CLYBL: variants seen among roughly 807,000 people sequenced by gnomAD.
CLYBL encodes citramalyl-CoA lyase, also known as citramalyl-CoA lyase, mitochondrial.
Under a neutral mutation model 38.9 loss-of-function variants are expected in CLYBL, and 31 were observed. The ratio of observed to expected loss-of-function variants is 0.80; its 90% CI spans 0.60 to 1.08. The LOEUF is 1.08. Among genes scored for constraint, CLYBL ranks in the 50% least tolerant of loss-of-function variants. The pLI, the probability that CLYBL is intolerant of heterozygous loss-of-function variation, is 0.00. For missense variants in CLYBL, 434 were observed against 411.6 expected (o/e 1.05, Z -0.47); for synonymous variants, 171 against 158.6 (o/e 1.08, Z -0.59).
chr13:99,771,134 T>G (rs1008537083), intron 1 of CLYBL, among the ~76,000 whole-genome samples: 2 of 150,592 alleles, frequency 1.3e-5, no homozygotes, highest in Non-Finnish European at 2.9e-5. Flanking sequence ...CCTTCTGGGC[T>G]TAATCAATCC....
chr13:99,741,236 A>C (rs576624716), intron 1 of CLYBL, among the ~76,000 whole-genome samples: 1 of 152,316 alleles, frequency 6.6e-6, no homozygotes, highest in East Asian at 1.9e-4. Flanking sequence ...GCAAAGAAGC[A>C]CCCATGCCTG....
intron 1 of CLYBL, among the ~76,000 whole-genome samples, chr13:99,721,450 C>G (rs2048391192): frequency 6.6e-6 from 1 of 150,768 alleles, no homozygotes; most frequent in Admixed American, 6.6e-5. Flanking sequence ...ATTAATTTTT[C>G]TTTTTTTATT....
At chr13:99,733,537 C>T (rs1227170925) in intron 1 of CLYBL, among the ~76,000 whole-genome samples, 1 of 152,198 alleles carries the variant, frequency 6.6e-6, no homozygotes, top group Admixed American at 6.5e-5. Flanking sequence ...TTCCTGAAGG[C>T]ATTATTAGTC....
At chr13:99,678,769 A>G (rs985271503) in intron 1 of CLYBL, among the ~76,000 whole-genome samples, 4 of 152,210 alleles carry the variant, frequency 2.6e-5, no homozygotes, top group Non-Finnish European at 5.9e-5. Context: ...AAAGGTAGGC[A>G]GAAAGAGCGT....
At chr13:99,711,963 C>T (rs2048240573) in intron 1 of CLYBL, among the ~76,000 whole-genome samples, 1 of 152,100 alleles carries the variant, frequency 6.6e-6, no homozygotes, top group Non-Finnish European at 1.5e-5. Flanking sequence ...GATCCACCCG[C>T]CTTGGCCTCC....
At chr13:99,882,694 T>C (rs1414969674) in intron 7 of CLYBL, among the ~76,000 whole-genome samples, 1 of 152,020 alleles carries the variant, frequency 6.6e-6, no homozygotes, top group Non-Finnish European at 1.5e-5. Context: ...TGTAATAGTA[T>C]AAAGTACTAT....
chr13:99,825,236 C>T (rs2050672561), intron 2 of CLYBL, among the ~76,000 whole-genome samples: 2 of 152,166 alleles, frequency 1.3e-5, no homozygotes, highest in Admixed American at 1.3e-4. Context: ...GTGGAAGATC[C>T]TTGCTTGGCC....
intron 1 of CLYBL, among the ~76,000 whole-genome samples, chr13:99,703,934 C>T (rs551355898): frequency 3.3e-5 from 5 of 152,214 alleles, no homozygotes; most frequent in African/African-American, 1.2e-4. Flanking sequence ...TGCTATGTCT[C>T]ATAAATTTCA....
At chr13:99,888,419 A>G (rs1024625070) in intron 7 of CLYBL, among the ~76,000 whole-genome samples, 4 of 152,222 alleles carry the variant, frequency 2.6e-5, no homozygotes, top group African/African-American at 9.6e-5. Flanking sequence ...TCAAAAAATT[A>G]TAGCTATTAT....
At chr13:99,628,302 A>G (rs2046897622) in intron 1 of CLYBL, among the ~76,000 whole-genome samples, 1 of 152,242 alleles carries the variant, frequency 6.6e-6, no homozygotes, top group South Asian at 2.1e-4. Context: ...TAGGAAGTGA[A>G]TTCACAACAT....
At chr13:99,745,636 C>T (rs180940684) in intron 1 of CLYBL, among the ~76,000 whole-genome samples, 1 of 152,284 alleles carries the variant, frequency 6.6e-6, no homozygotes, top group Non-Finnish European at 1.5e-5. Context: ...TAATTTGCAT[C>T]ACACTTAGCT....
chr13:99,751,191 A>G (rs375240815), intron 1 of CLYBL, among the ~76,000 whole-genome samples: 4 of 152,176 alleles, frequency 2.6e-5, no homozygotes, highest in African/African-American at 9.6e-5. Flanking sequence ...ACATTCTGAC[A>G]TACGCTATAA....
At chr13:99,885,135 G>A in intron 7 of CLYBL, 1 of 523,404 alleles carries the variant, frequency 1.9e-6, no homozygotes, top group Non-Finnish European at 3.9e-6. Flanking sequence ...TCCCCACAGG[G>A]GCCTCACAGT....
At chr13:99,858,574 G>A (rs768220952) in intron 2 of CLYBL, among the ~76,000 whole-genome samples, 18 of 152,210 alleles carry the variant, frequency 1.2e-4, no homozygotes, top group Non-Finnish European at 2.1e-4. Flanking sequence ...TTCCCATTGG[G>A]AAGTAATGCT....
chr13:99,758,284 G>A (rs2049102321), intron 1 of CLYBL, among the ~76,000 whole-genome samples: 1 of 152,146 alleles, frequency 6.6e-6, no homozygotes, highest in Non-Finnish European at 1.5e-5. Context: ...AGGGGGAAGG[G>A]AGACGACAAA....
rs2051720761 is a variant in CLYBL, at chr13:99,865,586, C to T, written c.635-654C>T. On this transcript the variant is annotated intron_variant, in intron 5 of 8. Transcript: ENST00000339105. The surrounding 1 kb of genome is among the most constrained non-coding windows in gnomAD (Gnocchi z 4.7). ...TCCCTAGGCAGGGAGTGGCATGTTC[C>T]AAATGTAAACAGGGACACTTCCCTC... is the stretch of plus-strand genomic sequence containing the variant. Among the ~76,000 whole-genome samples the T allele has an allele frequency of 1.3e-5, 2 of 152,152 alleles. No homozygotes were observed. The highest frequency in any genetic ancestry group is 4.8e-5 in the African/African-American group (2 of 41,428).
At chr13:99,814,201 C>T (rs1361113359) in intron 2 of CLYBL, among the ~76,000 whole-genome samples, 2 of 152,106 alleles carry the variant, frequency 1.3e-5, no homozygotes, top group Non-Finnish European at 2.9e-5. Flanking sequence ...AATTCTCTCC[C>T]TAAAGAATTC....
chr13:99,696,177 T>C (rs1426441707), intron 1 of CLYBL, among the ~76,000 whole-genome samples: 1 of 151,992 alleles, frequency 6.6e-6, no homozygotes, highest in Non-Finnish European at 1.5e-5. Context: ...TGCTAATAAA[T>C]GTGTGGACAA....
chr13:99,757,196 G>A (rs1033360606), intron 1 of CLYBL, among the ~76,000 whole-genome samples: 6 of 152,022 alleles, frequency 3.9e-5, no homozygotes, highest in African/African-American at 1.2e-4. Context: ...CACCATACCC[G>A]GCCAAGTGTT....
Sources: gnomAD v4.1 joint callset for allele counts (sites outside exome capture counted in the v4.1 genomes callset) on GRCh38, gnomAD v4.1.1 for gene constraint, Gnocchi (gnomAD v3.1) non-coding constraint, MANE v1.5 for transcripts, NCBI Gene and HGNC (gene_info 2026-07-23, HGNC 2026-07-21) for gene names.